The following ESR1 variants were observed in gnomAD, a reference collection of about 807,000 sequenced individuals.
The protein encoded by ESR1 is estrogen receptor 1.
Under a neutral mutation model 52.7 loss-of-function variants are expected in ESR1, and 12 were observed. The observed-to-expected ratio is 0.23, with a 90% CI of 0.15 to 0.37. ESR1 has a LOEUF of 0.37. ESR1 is among the 10% of genes least tolerant of loss of function. The probability of loss-of-function intolerance (pLI) is 1.00; values close to 1 mark genes in which losing one functional copy is unlikely to be tolerated. For missense variants in ESR1, 584 were observed against 779.7 expected (o/e 0.75, Z 2.99); for synonymous variants, 305 against 316.8 (o/e 0.96, Z 0.39).
chr6:151,864,331 G>T (rs1005467069), intron 2 of ESR1, among the ~76,000 whole-genome samples: 2 of 152,098 alleles, frequency 1.3e-5, no homozygotes, highest in African/African-American at 2.4e-5. Context: ...ACAGACACAT[G>T]AAAAAATGCT....
At position 151,755,702 on chromosome 6, in the gene ESR1, C is replaced by T. The variant is rs528104441; in HGVS notation, c.-70-52141C>T. ...CTGGAGAGCAGTGGCATGATCTCTACTCACTGCAACTTCCGCCTCCCAGAT... is the reference window on the plus strand; with the variant it reads ...CTGGAGAGCAGTGGCATGATCTCTATTCACTGCAACTTCCGCCTCCCAGAT... On this transcript the variant is annotated intron_variant, in intron 2 of 2. Transcript: ENST00000404742. 2.1e-3 allele frequency among the ~76,000 whole-genome samples: 319 copies of T among 152,040 alleles called. 2 individuals carry two copies. The highest frequency in any genetic ancestry group is 7.1e-3 in the African/African-American group (296 of 41,442).
At chr6:151,713,052 T>G (rs1464871175) in intron 2 of ESR1, among the ~76,000 whole-genome samples, 2 of 152,010 alleles carry the variant, frequency 1.3e-5, no homozygotes, top group Non-Finnish European at 2.9e-5. Context: ...CACGAAGGGG[T>G]GTTGAATTTT....
chr6:152,011,525 G>T (rs2042765318), intron 4 of ESR1, 131 bp from the exon 5 acceptor site: 1 of 986,754 alleles, frequency 1.0e-6, no homozygotes, highest in Non-Finnish European at 1.6e-6. Context: ...TCACTATAAA[G>T]TATGTTCGTA....
chr6:151,865,142 A>G (rs1789643179), intron 2 of ESR1, among the ~76,000 whole-genome samples: 3 of 152,110 alleles, frequency 2.0e-5, no homozygotes, highest in African/African-American at 7.2e-5. Context: ...CACTATTAAC[A>G]ATTTCTTCTG....
intron 2 of ESR1, among the ~76,000 whole-genome samples, chr6:151,850,484 A>G (rs1157320034): frequency 6.6e-6 from 1 of 151,820 alleles, no homozygotes; most frequent in Admixed American, 6.6e-5. Flanking sequence ...GAGACAGAAG[A>G]GAAACATCTA....
intron 4 of ESR1, among the ~76,000 whole-genome samples, chr6:151,990,339 A>G (rs1189899559): frequency 1.3e-5 from 2 of 151,976 alleles, no homozygotes; most frequent in Non-Finnish European, 2.9e-5. Flanking sequence ...CCAAATTTAC[A>G]TACTGGCTGA....
chr6:151,708,181 G>T (rs1302313514), intron 2 of ESR1, among the ~76,000 whole-genome samples: 1 of 152,030 alleles, frequency 6.6e-6, no homozygotes, highest in East Asian at 1.9e-4. Context: ...TAATATATGT[G>T]TGTGTGTATT....
chr6:151,822,141 A>C (rs1780658381), intron 1 of ESR1, among the ~76,000 whole-genome samples: 2 of 152,232 alleles, frequency 1.3e-5, no homozygotes, highest in African/African-American at 4.8e-5. Flanking sequence ...TCAGTTAAAA[A>C]ATTTTAAAAG....
chr6:151,835,574 G>A (rs1057164304), intron 1 of ESR1, among the ~76,000 whole-genome samples: 9 of 152,208 alleles, frequency 5.9e-5, no homozygotes, highest in African/African-American at 9.7e-5. Context: ...CCTGTGAACT[G>A]TAATACTTAA....
intron 5 of ESR1, among the ~76,000 whole-genome samples, chr6:152,024,709 A>G (rs2043979947): frequency 6.8e-6 from 1 of 147,806 alleles, no homozygotes; most frequent in South Asian, 2.1e-4. Flanking sequence ...ACATAAATAT[A>G]TTTTAATATA....
At chr6:151,856,877 G>C (rs569018424) in intron 2 of ESR1, among the ~76,000 whole-genome samples, 1 of 152,180 alleles carries the variant, frequency 6.6e-6, no homozygotes, top group East Asian at 1.9e-4. Context: ...CTCCTTACTG[G>C]ACCAAGTAAG....
chr6:151,765,701 A>T (rs948432432), intron 2 of ESR1, among the ~76,000 whole-genome samples: 3 of 152,182 alleles, frequency 2.0e-5, no homozygotes, highest in African/African-American at 7.2e-5. Context: ...GGCACTTTTC[A>T]TAGAAAGAGT....
At chr6:151,806,530 G>GTATATATATATATATATATATATATA (rs56020486), upstream of ESR1, among the ~76,000 whole-genome samples, 14 of 96,434 alleles carry the variant, frequency 1.5e-4, no homozygotes, top group Middle Eastern at 5.6e-3. Flanking sequence ...TCCTTAATAT[G>GTATATATATATATATATATATATATA]TATATATATA....
At chr6:152,046,166 A>T (rs1311800908) in intron 5 of ESR1, among the ~76,000 whole-genome samples, 1 of 152,216 alleles carries the variant, frequency 6.6e-6, no homozygotes, top group African/African-American at 2.4e-5. Flanking sequence ...TATTAAGAGG[A>T]TCCCACTTCT....
At chr6:151,984,667 T>C (rs1005501059) in intron 4 of ESR1, among the ~76,000 whole-genome samples, 2 of 152,184 alleles carry the variant, frequency 1.3e-5, no homozygotes, top group African/African-American at 4.8e-5. Context: ...TTTTTTCATC[T>C]GTGTTAGAAA....
At chr6:151,729,826 A>T (rs1323177476) in intron 2 of ESR1, among the ~76,000 whole-genome samples, 2 of 152,162 alleles carry the variant, frequency 1.3e-5, no homozygotes, top group African/African-American at 4.8e-5. Context: ...AGTGGCTCAC[A>T]TCTGTAATCC....
intron 3 of ESR1, among the ~76,000 whole-genome samples, chr6:151,881,919 A>T (rs1019713502): frequency 6.6e-6 from 1 of 151,478 alleles, no homozygotes; most frequent in Non-Finnish European, 1.5e-5. Flanking sequence ...TAAATAAATA[A>T]ATAAATAAAT....
At chr6:152,089,822 G>A (rs968733472) in intron 6 of ESR1, among the ~76,000 whole-genome samples, 2 of 152,132 alleles carry the variant, frequency 1.3e-5, no homozygotes, top group African/African-American at 2.4e-5. Context: ...CAAGTGTTCC[G>A]CCTGCCTTGG....
chr6:151,791,785 TATA>T (rs1182941330), intron 2 of ESR1, among the ~76,000 whole-genome samples: 34 of 152,282 alleles, frequency 2.2e-4, no homozygotes, highest in African/African-American at 7.7e-4. Flanking sequence ...TTTCAGATAG[TATA>T]ATAATAAATA....
Sources: allele counts gnomAD v4.1 joint callset (sites outside exome capture counted in the v4.1 genomes callset), GRCh38; gene constraint gnomAD v4.1.1; transcripts MANE v1.5; gene names NCBI Gene and HGNC (gene_info 2026-07-23, HGNC 2026-07-21).